The following DACT3 variants were observed in gnomAD, a reference collection of about 807,000 sequenced individuals.
DACT3 encodes the protein dishevelled binding antagonist of beta catenin 3, also known as dapper homolog 3.
Under a neutral mutation model 19.6 loss-of-function variants are expected in DACT3, and 5 were observed. The observed-to-expected ratio is 0.26, with a 90% CI of 0.13 to 0.54. The LOEUF (loss-of-function observed/expected upper bound fraction) is 0.54. Ranked by LOEUF, DACT3 falls within the 20% of genes least tolerant of loss-of-function variation. The pLI is 0.95. For missense variants in DACT3, 908 were observed against 927.4 expected (o/e 0.98, Z 0.27); for synonymous variants, 454 against 428.1 (o/e 1.06, Z -0.75).
intron 1 of DACT3, chr19:46,654,747 G>A (rs2053019692): frequency 1.0e-6 from 1 of 985,266 alleles, no homozygotes; most frequent in African/African-American, 1.7e-5. Context: ...AAGTGGGGAG[G>A]AGGGTTTGGG....
intron 3 of DACT3, chr19:46,650,081 C>A: frequency 2.6e-6 from 1 of 381,288 alleles, no homozygotes; most frequent in Non-Finnish European, 4.5e-6. Context: ...GTGACTTGTC[C>A]TGCCTCTGCC....
Position 46,649,504 on chromosome 19 carries a change from G to T in DACT3, c.868C>A (p.Pro290Thr). 9.1e-7 allele frequency: 1 copy of T among 1,096,800 alleles called. No individual in the cohort carries two copies. The highest frequency in any genetic ancestry group is 1.1e-6 in the Non-Finnish European group (1 of 903,986). 67.9% of individuals were successfully genotyped at this position (1,096,800 alleles called of 1,614,324 possible). A position where few individuals can be genotyped will look rare whatever the true frequency, so the allele number is the denominator to read the frequency against. The change falls in exon 4 of 4, where the codon CCC becomes ACC. Residue 290 changes from proline (P) to threonine (T), a missense_variant. Physicochemically the swap from Pro to Thr is conservative, Grantham distance 38 (BLOSUM62 -1). Around this residue, in one of 2 missense-constraint regions of DACT3, gnomAD observed 656 missense variants for 601.8 expected, o/e 1.09. Coordinates refer to ENST00000391916, the MANE Select transcript of DACT3 (RefSeq NM_145056.3). ...RRQNSVRQRPPDASPSPGSAR... is the reference protein window; with the variant it reads ...RRQNSVRQRPTDASPSPGSAR... ...CTGCCGGGGGACGGAGACGCGTCGG[G>T]CGGCCGCTGGCGCACGCTGTTCTGG...
At position 46,660,575 on chromosome 19, in the gene DACT3, C is replaced by G. The variant is rs372261415; in HGVS notation, c.249+241G>C. Among the ~76,000 whole-genome samples the G allele has an allele frequency of 5.4e-5, 8 of 147,584 alleles. No homozygotes were observed. The highest frequency in any genetic ancestry group is 7.4e-5 in the Non-Finnish European group (5 of 67,968). On this transcript the variant is annotated intron_variant, in intron 1 of 3. Coordinates refer to ENST00000391916, the MANE Select transcript of DACT3 (RefSeq NM_145056.3). This position sits in a 1 kb window ranked among gnomAD's most constrained non-coding sequence, Gnocchi z 4.9. ...TTCTTTGGGGAAGGGGTGTAAGAGA[C>G]AGGGCCTGTGTTTCTCACGAGGCCC...
rs2122433401 is a variant in DACT3 at position 46,648,969 on chromosome 19, TG to T, written c.1402del (p.Gln468ArgfsTer136). 7.7e-7 allele frequency: 1 copy of T among 1,294,166 alleles called. No homozygotes were observed. The allele number at this position is 1,294,166 out of a possible 1,614,324, so 80.2% of individuals were successfully genotyped here. On this transcript the variant is annotated frameshift_variant, in exon 4 of 4. Coordinates refer to ENST00000391916, the MANE Select transcript of DACT3 (RefSeq NM_145056.3). LOFTEE classifies it low-confidence loss of function (END_TRUNC). The surrounding 1 kb of genome is among the most constrained non-coding windows in gnomAD (Gnocchi z 5.1). ...RRGPAPTLAA[Q>X]AAGSCRRWRS... ...CCAGCGACGGCAGGACCCTGCGGCC[TG>T]GGCCGCCAGCGTGGGCGCTGGGCCG...
chr19:46,659,843 C>A (rs1452960316), intron 1 of DACT3, among the ~76,000 whole-genome samples: 1 of 151,870 alleles, frequency 6.6e-6, no homozygotes, highest in African/African-American at 2.4e-5. Context: ...GGACGTCGGG[C>A]AAGAAGAAGA....
At chr19:46,659,492 G>A in intron 1 of DACT3, 2 of 985,222 alleles carry the variant, frequency 2.0e-6, no homozygotes, top group Non-Finnish European at 2.4e-6. Flanking sequence ...TGGGGTGGGG[G>A]GAGCTAGCGA....
rs2052939047 is a variant in DACT3, at chr19:46,648,403, G to A, written c.*79C>T. 2 of 1,600,394 alleles carry A rather than the reference G, an allele frequency of 1.2e-6. No homozygotes were observed. The highest frequency in any genetic ancestry group is 8.5e-7 in the Non-Finnish European group (1 of 1,172,048). The stretch of plus-strand genomic sequence containing the variant: ...GCAGAGAAAACGATGGTCTTTGGAA[G>A]GTAGATGTGGAAGGGTCAGTGGTTG... On this transcript the variant is annotated 3_prime_UTR_variant, in exon 4 of 4. Transcript: ENST00000391916. The surrounding 1 kb of genome is among the most constrained non-coding windows in gnomAD (Gnocchi z 5.1).
intron 3 of DACT3, chr19:46,650,125 C>CGA: frequency 6.6e-6 from 1 of 150,882 alleles, no homozygotes. Flanking sequence ...ATCTTACCCC[C>CGA]TATTTTTTTT....
Position 46,660,778 on chromosome 19 carries a change from A to T in DACT3, c.249+38T>A, listed in dbSNP as rs538277627. 1.7e-3 allele frequency: 2,466 copies of T among 1,447,918 alleles called. 4 individuals are homozygous for T. Among genetic ancestry groups the T allele is most frequent in the Non-Finnish European group, 2.0e-3 (2,222 of 1,105,204 alleles). The allele number at this position is 1,447,918 out of a possible 1,614,324, so 89.7% of individuals were successfully genotyped here. On this transcript the variant is annotated intron_variant, in intron 1 of 3. Coordinates refer to ENST00000391916, the MANE Select transcript of DACT3 (RefSeq NM_145056.3). This position sits in a 1 kb window ranked among gnomAD's most constrained non-coding sequence, Gnocchi z 4.9. The stretch of plus-strand genomic sequence containing the variant: ...ATCCAACCGAGACAGACAGACACAG[A>T]CGGGGGTGGAGGGACGGACGGACAG...
At chr19:46,652,477 C>G in intron 3 of DACT3, 183 bp downstream of exon 3, 1 of 715,768 alleles carries the variant, frequency 1.4e-6, no homozygotes, top group Non-Finnish European at 2.2e-6. Context: ...CCGCACCCAG[C>G]CATATTTCAT....
At position 46,652,635 on chromosome 19, in the gene DACT3, A is replaced by AG. The variant is rs1356046820; in HGVS notation, c.499+24dup. 5.2e-6 allele frequency: 8 copies of AG among 1,548,012 alleles called. No homozygotes were observed. In the African/African-American group the frequency reaches 1.1e-4, roughly 21 times the overall value. Reference sequence around the variant, plus strand: ...CTCCTACTGTCCTTTCCCTGGCCCCAGGGCCCCACCCTCACCCACCTTACC... The same window carrying AG: ...CTCCTACTGTCCTTTCCCTGGCCCCAGGGGCCCCACCCTCACCCACCTTACC... On this transcript the variant is annotated intron_variant, in intron 3 of 3. Transcript: ENST00000391916.
At chr19:46,654,254 A>T (rs2053014674) in intron 1 of DACT3, 1 of 963,692 alleles carries the variant, frequency 1.0e-6, no homozygotes. Flanking sequence ...TGGGAGGCCG[A>T]GGCGGGCGGA....
rs1193989577 is a variant in DACT3 at position 46,649,632 on chromosome 19, C to T, written c.740G>A (p.Arg247Gln). ...CGCCGAGATGTAGCCGTCCAGGGGC[C>T]GCCCTGCGCCCCCCGCGTCGGGCGA... Reference protein sequence around the residue: ...TDSPDAGGAGRPLDGYISALL... With the variant: ...TDSPDAGGAGQPLDGYISALL... Residue 247 changes from arginine to glutamine, a missense_variant, in exon 4 of 4, where the codon CGG becomes CAG. Physicochemically the swap from Arg to Gln is conservative, Grantham distance 43. Coordinates refer to ENST00000391916, the MANE Select transcript of DACT3 (RefSeq NM_145056.3). 2 of 1,133,654 alleles carry T rather than the reference C, an allele frequency of 1.8e-6. No homozygotes were observed. 70.2% of individuals were successfully genotyped at this position (1,133,654 alleles called of 1,614,324 possible).
intron 1 of DACT3, among the ~76,000 whole-genome samples, chr19:46,656,976 G>A (rs1479163199): frequency 6.6e-6 from 1 of 152,180 alleles, no homozygotes; most frequent in Non-Finnish European, 1.5e-5. Context: ...CATAGTCTCT[G>A]GGACCTCACC....
chr19:46,649,336 G>T lies in DACT3; in HGVS notation c.1036C>A (p.Pro346Thr). The change falls in exon 4 of 4, where the codon CCC becomes ACC. Residue 346 changes from proline (P) to threonine (T), a missense_variant. Around this residue, in one of 2 missense-constraint regions of DACT3, gnomAD observed 656 missense variants for 601.8 expected, o/e 1.09. Coordinates refer to ENST00000391916, the MANE Select transcript of DACT3 (RefSeq NM_145056.3). The part of the protein sequence containing the change: ...PAAPPAAPSP[P>T]DSPAEGRLVK... ...AAGCGGCCCTCAGCCGGGCTGTCGG[G>T]GGGTGAGGGGGCGGCGGGCGGCGCA... The T allele has an allele frequency of 8.0e-7, 1 of 1,244,688 alleles. No individual in the cohort carries two copies. The highest frequency in any genetic ancestry group is 4.3e-5 in the Admixed American group (1 of 23,010). 77.1% of individuals were successfully genotyped at this position (1,244,688 alleles called of 1,614,324 possible). A position where few individuals can be genotyped will look rare whatever the true frequency, so the allele number is the denominator to read the frequency against.
chr19:46,649,395 G>A lies in DACT3; in HGVS notation c.977C>T (p.Ser326Leu). 4 of 1,286,898 alleles carry A rather than the reference G, an allele frequency of 3.1e-6. No individual in the cohort carries two copies. Among genetic ancestry groups the A allele is most frequent in the South Asian group, 1.8e-5 (1 of 54,438 alleles). The allele number at this position is 1,286,898 out of a possible 1,614,324, so 79.7% of individuals were successfully genotyped here. The stretch of plus-strand genomic sequence containing the variant: ...GGGTGCCGCCTCCGACTCCCACGAC[G>A]ACGCCCAGGCGCGGCTCAAGGCGGC... ...SPAALSRAWA[S>L]SWESEAAPEP... Residue 326 changes from serine to leucine, a missense_variant, in exon 4 of 4, where the codon TCG (serine) becomes TTG (leucine). Transcript: ENST00000391916.
intron 1 of DACT3, chr19:46,655,066 G>A (rs904408896): frequency 1.0e-6 from 1 of 985,234 alleles, no homozygotes; most frequent in African/African-American, 1.7e-5. Context: ...TGTACCCCAT[G>A]TCACGTCCGT....
rs2052933224 is a variant in DACT3 at position 46,647,813 on chromosome 19, T to A, written c.*669A>T. On this transcript the variant is annotated 3_prime_UTR_variant, in exon 4 of 4. Transcript: ENST00000391916. ...AGTGGGGGTCATGAGATAGAAACCA[T>A]CTTCCTTCCCCTCTTCTACCTCCGA... The A allele has an allele frequency of 6.6e-6, 1 of 152,582 alleles. No individual in the cohort carries two copies. The highest frequency in any genetic ancestry group is 2.4e-5 in the African/African-American group (1 of 41,434). The allele number at this position is 152,582 out of a possible 1,614,324, so 9.5% of individuals were successfully genotyped here.
chr19:46,648,310 G>A lies in DACT3; in HGVS notation c.*172C>T. On this transcript the variant is annotated 3_prime_UTR_variant, in exon 4 of 4. Coordinates refer to ENST00000391916, the MANE Select transcript of DACT3 (RefSeq NM_145056.3). This position sits in a 1 kb window ranked among gnomAD's most constrained non-coding sequence, Gnocchi z 5.1. ...AACAGGGCTCCTCCCCATTCCTCTC[G>A]GTGGTGGTGGGGGAGCCTTTTCAAC... 2.7e-6 allele frequency: 3 copies of A among 1,117,524 alleles called. No individual in the cohort carries two copies. Among genetic ancestry groups the A allele is most frequent in the East Asian group, 2.4e-5 (1 of 41,610 alleles). The allele number at this position is 1,117,524 out of a possible 1,614,324, so 69.2% of individuals were successfully genotyped here.
Sources: gnomAD v4.1 joint callset for allele counts (sites outside exome capture counted in the v4.1 genomes callset) on GRCh38, gnomAD v4.1.1 for gene constraint, gnomAD v4.1.1 regional missense constraint, Gnocchi (gnomAD v3.1) non-coding constraint, MANE v1.5 for transcripts, NCBI Gene and HGNC (gene_info 2026-07-23, HGNC 2026-07-21) for gene names.